The following C16orf74 variants were observed in gnomAD, a reference collection of about 807,000 sequenced individuals.
C16orf74 encodes the protein uncharacterized protein C16orf74.
C16orf74 carries 10 observed loss-of-function variants against 6.5 expected under a neutral mutation model. That is an observed-to-expected ratio of 1.54 (90% confidence interval 0.95 to 2.61). The LOEUF is 2.61. Ranked by LOEUF, C16orf74 falls within the 30% of genes most tolerant of loss-of-function variation. C16orf74 has a pLI of 0.00. For missense variants in C16orf74, 141 were observed against 105.9 expected (o/e 1.33, Z -1.45); for synonymous variants, 60 against 42.5 (o/e 1.41, Z -1.60).
Position 85,738,599 on chromosome 16 carries a change from G to A in C16orf74, c.-18-3364C>T, listed in dbSNP as rs192667840. Among the ~76,000 whole-genome samples, 63 of 151,994 alleles carry A rather than the reference G, an allele frequency of 4.1e-4. No homozygotes were observed. In the East Asian group the frequency reaches 6.6e-3, roughly 16 times the overall value. On this transcript the variant is annotated intron_variant, in intron 1 of 3. Coordinates refer to ENST00000284245, the MANE Select transcript of C16orf74 (RefSeq NM_206967.3). ...ACCCACCTCGGCCTCCCAAAGTGCT[G>A]GGATTTCAGGTGTGAGCCACCGCGC...
chr16:85,733,874 C>G (rs1003526396), intron 2 of C16orf74, among the ~76,000 whole-genome samples: 1 of 152,188 alleles, frequency 6.6e-6, no homozygotes, highest in Non-Finnish European at 1.5e-5. Context: ...ACCAATCTCT[C>G]CGCAAGCGGT....
At chr16:85,709,688 T>C (rs1007944407) in intron 3 of C16orf74, among the ~76,000 whole-genome samples, 1 of 152,124 alleles carries the variant, frequency 6.6e-6, no homozygotes, top group Non-Finnish European at 1.5e-5. Flanking sequence ...ACCCTCTCCC[T>C]GGGAAGAACT....
chr16:85,744,569 G>A lies in C16orf74; in HGVS notation c.-19+6357C>T, dbSNP rs182705613. ...TCAGCAGCCAGATGCGGTGGCTCAT[G>A]CCTGAAATCCCAGCACTTTGGGAGG... On this transcript the variant is annotated intron_variant, in intron 1 of 3. Transcript: ENST00000284245. 3.7e-4 allele frequency among the ~76,000 whole-genome samples: 57 copies of A among 152,240 alleles called. No individual in the cohort carries two copies. The East Asian group carries it at 8.7e-3, about 23-fold the overall frequency.
chr16:85,717,751 C>G (rs181068553), intron 2 of C16orf74, among the ~76,000 whole-genome samples: 3 of 152,378 alleles, frequency 2.0e-5, no homozygotes, highest in Admixed American at 2.0e-4. Flanking sequence ...AAGGAGAACA[C>G]TGAGCTTTGG....
At chr16:85,745,400 G>C (rs907427977) in intron 1 of C16orf74, among the ~76,000 whole-genome samples, 1 of 152,174 alleles carries the variant, frequency 6.6e-6, no homozygotes, top group African/African-American at 2.4e-5. Context: ...CTTGAAGGCA[G>C]GTGCCACAAA....
chr16:85,730,272 T>C (rs1401254144), intron 2 of C16orf74, among the ~76,000 whole-genome samples: 1 of 152,182 alleles, frequency 6.6e-6, no homozygotes, highest in Non-Finnish European at 1.5e-5. Context: ...AGAACGGGTC[T>C]CGGAGCTGCC....
At chr16:85,720,125 G>C (rs1164241474) in intron 2 of C16orf74, among the ~76,000 whole-genome samples, 1 of 151,938 alleles carries the variant, frequency 6.6e-6, no homozygotes, top group Non-Finnish European at 1.5e-5. Context: ...AGCTCTTGGC[G>C]GTTTTACCTT....
chr16:85,714,879 G>A (rs1486653776), intron 2 of C16orf74, among the ~76,000 whole-genome samples: 5 of 151,788 alleles, frequency 3.3e-5, no homozygotes, highest in South Asian at 2.1e-4. Context: ...CATTTCAGCC[G>A]GGTGCGGTGG....
At chr16:85,722,623 T>C (rs1187123605) in intron 2 of C16orf74, among the ~76,000 whole-genome samples, 1 of 151,908 alleles carries the variant, frequency 6.6e-6, no homozygotes, top group East Asian at 1.9e-4. Flanking sequence ...CTCTGCTCGC[T>C]CCCTGATCAG....
At chr16:85,713,976 A>C (rs971659069) in intron 2 of C16orf74, among the ~76,000 whole-genome samples, 20 of 152,192 alleles carry the variant, frequency 1.3e-4, no homozygotes, top group African/African-American at 4.3e-4. Flanking sequence ...CAGAGCCTCC[A>C]GTGACTTCTG....
chr16:85,732,776 T>C (rs1244813568), intron 2 of C16orf74, among the ~76,000 whole-genome samples: 2 of 135,158 alleles, frequency 1.5e-5, no homozygotes, highest in Admixed American at 1.6e-4. Context: ...GCTGGGCGAG[T>C]GGGGGTGGGC....
At chr16:85,736,410 G>C (rs1474179058) in intron 1 of C16orf74, among the ~76,000 whole-genome samples, 2 of 152,168 alleles carry the variant, frequency 1.3e-5, no homozygotes. Context: ...TCCTGTGCCT[G>C]CTGAGGTCAG....
chr16:85,749,522 C>T (rs1010383833), intron 1 of C16orf74, among the ~76,000 whole-genome samples: 1 of 151,900 alleles, frequency 6.6e-6, no homozygotes, highest in Non-Finnish European at 1.5e-5. Context: ...GCCTCAAGCA[C>T]TCCTCCTGCT....
chr16:85,722,656 C>CG (rs1247448041), intron 2 of C16orf74, among the ~76,000 whole-genome samples: 6 of 152,318 alleles, frequency 3.9e-5, no homozygotes. Flanking sequence ...TCCTGGACTC[C>CG]GACAGCAGCA....
intron 3 of C16orf74, among the ~76,000 whole-genome samples, chr16:85,709,484 C>G (rs75553946): frequency 0.011 from 1,486 of 140,444 alleles, 22 homozygotes; most frequent in African/African-American, 0.038. Context: ...CCTATCATGA[C>G]CATCCCCAAT....
rs1292377071 is a variant in C16orf74 at position 85,723,655 on chromosome 16, C to A, written c.28+11535G>T. Among the ~76,000 whole-genome samples, 4 of 152,330 alleles carry A rather than the reference C, an allele frequency of 2.6e-5. No homozygotes were observed. In the South Asian group the frequency reaches 8.3e-4, roughly 32 times the overall value. ...AGAATGTTCCACCCTAGGCCACCTTCTGAGTGGATGGTAGAAGGATATTTA... is the reference window on the plus strand; with the variant it reads ...AGAATGTTCCACCCTAGGCCACCTTATGAGTGGATGGTAGAAGGATATTTA... On this transcript the variant is annotated intron_variant, in intron 2 of 3. Transcript: ENST00000284245.
At chr16:85,736,908 G>GC (rs2054251082) in intron 1 of C16orf74, among the ~76,000 whole-genome samples, 3 of 152,202 alleles carry the variant, frequency 2.0e-5, no homozygotes, top group Admixed American at 2.0e-4. Context: ...GCCAGGCATG[G>GC]TGGTGGGTGC....
chr16:85,725,978 G>A (rs964471978), intron 2 of C16orf74, among the ~76,000 whole-genome samples: 4 of 151,926 alleles, frequency 2.6e-5, no homozygotes, highest in East Asian at 1.9e-4. Flanking sequence ...AGCTCAGCCC[G>A]GCCTCCATAC....
intron 2 of C16orf74, among the ~76,000 whole-genome samples, chr16:85,720,999 G>A (rs773892946): frequency 1.3e-5 from 2 of 152,074 alleles, no homozygotes; most frequent in Non-Finnish European, 2.9e-5. Context: ...GCTGAGGCAC[G>A]AGAATCACTT....
Sources: gnomAD v4.1 joint callset for allele counts (sites outside exome capture counted in the v4.1 genomes callset) on GRCh38, gnomAD v4.1.1 for gene constraint, MANE v1.5 for transcripts, NCBI Gene and HGNC (gene_info 2026-07-23, HGNC 2026-07-21) for gene names.